RPS5: variants seen among roughly 807,000 people sequenced by gnomAD.
RPS5 encodes the protein small ribosomal subunit protein uS7.
A neutral mutation model predicts 20.9 loss-of-function variants in RPS5; 2 were observed. The observed-to-expected ratio is 0.10, with a 90% confidence interval of 0.04 to 0.30. RPS5 has a LOEUF of 0.30. RPS5 is among the 10% of genes least tolerant of loss of function. RPS5 has a pLI of 1.00. For synonymous variants in RPS5, 112 were observed against 105.8 expected, an observed-to-expected ratio of 1.06 and a Z score of -0.36; for missense variants, 122 against 287.2, an observed-to-expected ratio of 0.42 and a Z score of 4.16.
intron 2 of RPS5, among the ~76,000 whole-genome samples, chr19:58,389,235 T>G (rs2052348108): frequency 6.6e-6 from 1 of 152,148 alleles, no homozygotes; most frequent in African/African-American, 2.4e-5. Flanking sequence ...ATAACTTGGG[T>G]TGCACTTTAT....
intron 4 of RPS5, 41 bp from the exon 5 acceptor site, chr19:58,394,456 C>G: frequency 6.4e-7 from 1 of 1,562,090 alleles, no homozygotes; most frequent in Non-Finnish European, 8.8e-7. Flanking sequence ...GCTGGAGGAC[C>G]GCAGTCTGTC....
chr19:58,392,057 C>T (rs1402042043), intron 2 of RPS5, among the ~76,000 whole-genome samples: 2 of 152,056 alleles, frequency 1.3e-5, no homozygotes, highest in African/African-American at 4.8e-5. Flanking sequence ...CACTGTGGCT[C>T]ATGCCTGTAA....
chr19:58,390,946 A>G (rs2052359298), intron 2 of RPS5, among the ~76,000 whole-genome samples: 1 of 152,012 alleles, frequency 6.6e-6, no homozygotes. Flanking sequence ...AGAAACAGGT[A>G]TTTTGTGTAT....
At chr19:58,392,704 A>G (rs1015911993) in intron 2 of RPS5, among the ~76,000 whole-genome samples, 2 of 151,406 alleles carry the variant, frequency 1.3e-5, no homozygotes, top group African/African-American at 4.9e-5. Context: ...CCCCCAGACA[A>G]TTATCTGGTC....
chr19:58,391,260 C>T (rs140741635), intron 2 of RPS5, among the ~76,000 whole-genome samples: 27 of 151,704 alleles, frequency 1.8e-4, no homozygotes, highest in African/African-American at 6.5e-4. Context: ...GGTGAAGCCC[C>T]GTCTCTACTA....
chr19:58,390,122 C>T (rs2052353324), intron 2 of RPS5, among the ~76,000 whole-genome samples: 1 of 152,078 alleles, frequency 6.6e-6, no homozygotes, highest in Admixed American at 6.6e-5. Flanking sequence ...CTCTTAACTC[C>T]TGACTTCAGG....
rs961447783 is a variant in RPS5, at chr19:58,393,056, A to G, written c.189A>G (p.Lys63=). The G allele has an allele frequency of 4.3e-6, 7 of 1,614,194 alleles. No individual in the cohort carries two copies. The highest frequency in any genetic ancestry group is 5.9e-6 in the Non-Finnish European group (7 of 1,180,014). Residue 63 remains lysine, a synonymous_variant, in exon 3 of 6, where the codon AAA becomes AAG. Coordinates refer to ENST00000196551, the MANE Select transcript of RPS5 (RefSeq NM_001009.4). ...AGRYAAKRFR[K]AQCPIVERLT... Reference sequence around the variant, plus strand: ...GGTATGCCGCCAAACGCTTCCGCAAAGCTCAGTGTCCCATTGTGGAGCGCC... The same window carrying G: ...GGTATGCCGCCAAACGCTTCCGCAAGGCTCAGTGTCCCATTGTGGAGCGCC...
chr19:58,392,032 C>A (rs8109919), intron 2 of RPS5, among the ~76,000 whole-genome samples: 15,479 of 152,084 alleles, frequency 0.1, 2,678 homozygotes, highest in African/African-American at 0.35. Flanking sequence ...GAAAACTGAC[C>A]GGGGTGGTGC....
chr19:58,391,020 T>A (rs1176315066), intron 2 of RPS5, among the ~76,000 whole-genome samples: 1 of 152,168 alleles, frequency 6.6e-6, no homozygotes, highest in African/African-American at 2.4e-5. Flanking sequence ...TCAACAGCAG[T>A]CTCCTTCGAA....
chr19:58,394,637 T>C, intron 5 of RPS5, 42 bp downstream of exon 5: 1 of 1,613,586 alleles, frequency 6.2e-7, no homozygotes, highest in Non-Finnish European at 8.5e-7. Flanking sequence ...AAGTTGGGCA[T>C]TTGTGGGGGT....
At chr19:58,388,113 T>C (rs1470146041) in intron 1 of RPS5, 24 bp from the exon 2 acceptor site, 1 of 1,571,998 alleles carries the variant, frequency 6.4e-7, no homozygotes, top group Non-Finnish European at 8.7e-7. Context: ...CTGACGTTTT[T>C]TTCCTGTCAT....
At chr19:58,389,340 C>T (rs2122157785) in intron 2 of RPS5, among the ~76,000 whole-genome samples, 1 of 151,124 alleles carries the variant, frequency 6.6e-6, no homozygotes, top group South Asian at 2.1e-4. Flanking sequence ...GGTGTGATCA[C>T]AGTTCACTGC....
chr19:58,391,568 A>T (rs910186779), intron 2 of RPS5, among the ~76,000 whole-genome samples: 4 of 149,980 alleles, frequency 2.7e-5, no homozygotes, highest in Non-Finnish European at 5.9e-5. Flanking sequence ...GCAACGTTGC[A>T]CTCCAGCCTG....
intron 1 of RPS5, chr19:58,387,900 T>A: frequency 1.8e-6 from 1 of 552,406 alleles, no homozygotes; most frequent in South Asian, 2.1e-5. Context: ...GCAGCAGCTG[T>A]TGACTGGTGG....
In RPS5 at chr19:58,393,431, G is replaced by A. The variant is rs2052376729; in HGVS notation, c.391G>A (p.Ala131Thr). The A allele has an allele frequency of 5.6e-6, 9 of 1,613,332 alleles. No individual in the cohort carries two copies. The highest frequency in any genetic ancestry group is 6.8e-6 in the Non-Finnish European group (8 of 1,180,052). ...PREDSTRIGR[A>T]GTVRRQAVDV... ...GGAGGACTCCACACGCATTGGGCGC[G>A]CCGGGACTGTGAGACGACAGGCTGT... The change falls in exon 4 of 6, where the codon GCC (alanine) becomes ACC (threonine). Residue 131 changes from alanine (A) to threonine (T), a missense_variant. This residue lies in a region of RPS5 where 10 missense variants were observed against 52.0 expected (regional missense o/e 0.19). Transcript: ENST00000196551.
chr19:58,391,432 C>CAA (rs35576516), intron 2 of RPS5, among the ~76,000 whole-genome samples: 1,147 of 75,878 alleles, frequency 0.015, 40 homozygotes, highest in African/African-American at 0.055. Context: ...AACTCCATCT[C>CAA]AAAAAAAAAA....
At chr19:58,391,432 CAA>C (rs35576516) in intron 2 of RPS5, among the ~76,000 whole-genome samples, 4 of 75,992 alleles carry the variant, frequency 5.3e-5, no homozygotes, top group Non-Finnish European at 7.2e-5. Flanking sequence ...AACTCCATCT[CAA>C]AAAAAAAAAA....
chr19:58,392,255 C>T (rs1421482960), intron 2 of RPS5, among the ~76,000 whole-genome samples: 1 of 151,800 alleles, frequency 6.6e-6, no homozygotes, highest in African/African-American at 2.4e-5. Flanking sequence ...ACCCAGGAGG[C>T]AGAAGTTGCA....
At chr19:58,392,921 C>A in intron 2 of RPS5, 55 bp from the exon 3 acceptor site, 1 of 1,552,450 alleles carries the variant, frequency 6.4e-7, no homozygotes, top group Non-Finnish European at 8.8e-7. Context: ...GTCTGGCCAA[C>A]GCCCATGCTG....
Sources: gnomAD v4.1 joint callset for allele counts (sites outside exome capture counted in the v4.1 genomes callset) on GRCh38, gnomAD v4.1.1 for gene constraint, gnomAD v4.1.1 regional missense constraint, MANE v1.5 for transcripts, NCBI Gene and HGNC (gene_info 2026-07-23, HGNC 2026-07-21) for gene names.